HAPLN3: variants seen among roughly 807,000 people sequenced by gnomAD.
HAPLN3 encodes hyaluronan and proteoglycan link protein 3.
In HAPLN3, 28 loss-of-function variants were observed where a neutral mutation model predicts 28.1. That is an observed-to-expected ratio of 1.00 (90% CI 0.74 to 1.37). The LOEUF is 1.37. Among genes scored for constraint, HAPLN3 ranks in the 40% most tolerant of loss-of-function variants. The pLI, the probability that HAPLN3 is intolerant of heterozygous loss-of-function variation, is 0.00. For synonymous variants in HAPLN3, 211 were observed against 213.1 expected (o/e 0.99, Z 0.09); for missense variants, 513 against 504.6 (o/e 1.02, Z -0.16).
At chr15:88,883,665 T>C (rs986352680) in intron 2 of HAPLN3, among the ~76,000 whole-genome samples, 2 of 152,246 alleles carry the variant, frequency 1.3e-5, no homozygotes, top group Admixed American at 6.5e-5. Context: ...ATCTGGTAGA[T>C]GTACATTCAA....
chr15:88,881,358 C>G lies in HAPLN3; in HGVS notation c.492G>C (p.Arg164=), dbSNP rs762588041. The G allele has an allele frequency of 3.1e-5, 50 of 1,609,036 alleles. No individual in the cohort carries two copies. The East Asian group carries it at 1.1e-3, about 36-fold the overall frequency. The change falls in exon 3 of 5, where the codon CGG becomes CGC. Residue 164 remains arginine (R), a splice_region_variant and synonymous_variant. Transcript: ENST00000359595. The surrounding 1 kb of genome is among the most constrained non-coding windows in gnomAD (Gnocchi z 6.0). ...ACCCAGTCCCCGTTAGCATCTCACCCCGCAGCTCCAGCTCCACCAGACCGC... is the reference window on the plus strand; with the variant it reads ...ACCCAGTCCCCGTTAGCATCTCACCGCGCAGCTCCAGCTCCACCAGACCGC... ...DESGLVELEL[R]GVVFPYQSPN... is the part of the protein sequence containing the mutation.
rs764727132 is a variant in HAPLN3 at position 88,887,259 on chromosome 15, C to T, written c.40G>A (p.Gly14Ser). The T allele has an allele frequency of 6.8e-6, 11 of 1,614,106 alleles. No homozygotes were observed. The highest frequency in any genetic ancestry group is 2.2e-5 in the South Asian group (2 of 91,078). ...LLLVPLLLLP[G>S]SYGLPFYNGF... ...TTGTAGAAGGGCAGTCCGTAGGAGC[C>T]GGGCAGCAGGAGCAACGGGACCAGG... Residue 14 changes from glycine to serine, a missense_variant, in exon 2 of 5, where the codon GGC becomes AGC. Transcript: ENST00000359595.
intron 1 of HAPLN3, 130 bp from the exon 2 acceptor site, chr15:88,887,475 C>T (rs773372142): frequency 2.4e-5 from 19 of 799,846 alleles, no homozygotes; most frequent in East Asian, 1.9e-4. Flanking sequence ...ACGTGCCAGA[C>T]GCTGTTCCCG....
chr15:88,885,855 G>A (rs993020950), intron 2 of HAPLN3, among the ~76,000 whole-genome samples: 4 of 152,096 alleles, frequency 2.6e-5, no homozygotes, highest in African/African-American at 7.2e-5. Flanking sequence ...CCAAAGTGCT[G>A]GGATTATAGG....
intron 2 of HAPLN3, among the ~76,000 whole-genome samples, chr15:88,884,107 C>A (rs928732269): frequency 1.3e-5 from 2 of 151,342 alleles, no homozygotes; most frequent in African/African-American, 4.9e-5. Flanking sequence ...GAAAGAGATA[C>A]CTAAAAAGTT....
At position 88,879,502 on chromosome 15, in the gene HAPLN3, T is replaced by C. The variant is rs1897637895; in HGVS notation, c.494-233A>G. 1.3e-6 allele frequency: 2 copies of C among 1,513,600 alleles called. No homozygotes were observed. Among genetic ancestry groups the C allele is most frequent in the South Asian group, 2.4e-5 (2 of 83,038 alleles). 93.8% of individuals were successfully genotyped at this position (1,513,600 alleles called of 1,614,324 possible). A position where few individuals can be genotyped will look rare whatever the true frequency, so the allele number is the denominator to read the frequency against. ...ACATCCATGAGTTAAGGTAATTAAT[T>C]AGTCCATTAATGTCCCCAACAATGT... is the stretch of plus-strand genomic sequence containing the variant. On this transcript the variant is annotated intron_variant, in intron 3 of 4. Coordinates refer to ENST00000359595, the MANE Select transcript of HAPLN3 (RefSeq NM_178232.4). The surrounding 1 kb of genome is among the most constrained non-coding windows in gnomAD (Gnocchi z 5.0).
rs754302428 is a variant in HAPLN3, at chr15:88,878,125, G to A, written c.928C>T (p.Arg310Cys). The change falls in exon 5 of 5, where the codon CGC becomes TGC. Residue 310 changes from arginine (R) to cysteine (C), a missense_variant. Coordinates refer to ENST00000359595, the MANE Select transcript of HAPLN3 (RefSeq NM_178232.4). ...FAAWKFHGLDRCDAGWLADGS... is the reference protein window; with the variant it reads ...FAAWKFHGLDCCDAGWLADGS... ...TCTGCCAGCCAGCCAGCGTCGCAGC[G>A]GTCCAGGCCATGGAACTTCCAGGCG... is the stretch of plus-strand genomic sequence containing the variant. 4.6e-5 allele frequency: 75 copies of A among 1,613,986 alleles called. No homozygotes were observed. The highest frequency in any genetic ancestry group is 1.8e-4 in the East Asian group (8 of 44,884).
At chr15:88,892,567 G>A (rs1898040970) in intron 1 of HAPLN3, among the ~76,000 whole-genome samples, 1 of 152,152 alleles carries the variant, frequency 6.6e-6, no homozygotes, top group Non-Finnish European at 1.5e-5. Context: ...TCTGAGAGAG[G>A]AGCAGCACAC....
rs975128138 is a variant in HAPLN3 at position 88,881,128 on chromosome 15, C to A, written c.493+229G>T. On this transcript the variant is annotated intron_variant, in intron 3 of 4. Transcript: ENST00000359595. The surrounding 1 kb of genome is among the most constrained non-coding windows in gnomAD (Gnocchi z 6.0). ...AGAGGCTGGGTGCTTGGGTTCAGACCCCAGCTCTGTCGTTTACAAGCTGTG... is the reference window on the plus strand; with the variant it reads ...AGAGGCTGGGTGCTTGGGTTCAGACACCAGCTCTGTCGTTTACAAGCTGTG... 17 of 583,232 alleles carry A rather than the reference C, an allele frequency of 2.9e-5. No homozygotes were observed. The highest frequency in any genetic ancestry group is 4.5e-5 in the Non-Finnish European group (15 of 336,080). The allele number at this position is 583,232 out of a possible 1,614,324, so 36.1% of individuals were successfully genotyped here. A position where few individuals can be genotyped will look rare whatever the true frequency, so the allele number is the denominator to read the frequency against.
At chr15:88,893,811 C>A (rs1446072258) in intron 1 of HAPLN3, among the ~76,000 whole-genome samples, 1 of 151,694 alleles carries the variant, frequency 6.6e-6, no homozygotes, top group Non-Finnish European at 1.5e-5. Context: ...GCTTGTAGTC[C>A]CAGCTACTCG....
At chr15:88,882,884 T>C (rs1897744503) in intron 2 of HAPLN3, among the ~76,000 whole-genome samples, 2 of 152,144 alleles carry the variant, frequency 1.3e-5, no homozygotes, top group South Asian at 4.1e-4. Flanking sequence ...TAGATGCTTG[T>C]GGTCCCAGCT....
At chr15:88,893,625 A>T (rs1191991759) in intron 1 of HAPLN3, among the ~76,000 whole-genome samples, 1 of 151,922 alleles carries the variant, frequency 6.6e-6, no homozygotes, top group Non-Finnish European at 1.5e-5. Flanking sequence ...CAGTTTCTTC[A>T]TCTTTAAAAT....
rs766056577 is a variant in HAPLN3 at position 88,878,187 on chromosome 15, T to C, written c.866A>G (p.Asp289Gly). 12 of 1,614,052 alleles carry C rather than the reference T, an allele frequency of 7.4e-6. No homozygotes were observed. In the East Asian group the frequency reaches 2.5e-4, roughly 33 times the overall value. Reference protein sequence around the residue: ...LTEAREACQEDDATIAKVGQL... With the variant: ...LTEAREACQEGDATIAKVGQL... Reference sequence around the variant, plus strand: ...TCCCACCTTGGCGATCGTGGCATCATCTTCCTGGCAGGCCTCCCTTGCCTC... The same window carrying C: ...TCCCACCTTGGCGATCGTGGCATCACCTTCCTGGCAGGCCTCCCTTGCCTC... Residue 289 changes from aspartate (D) to glycine (G), a missense_variant, in exon 5 of 5, where the codon GAT becomes GGT. Asp to Gly is a moderately conservative substitution (Grantham distance 94). Coordinates refer to ENST00000359595, the MANE Select transcript of HAPLN3 (RefSeq NM_178232.4).
chr15:88,878,317 G>C (rs183584978), intron 4 of HAPLN3, 61 bp from the exon 5 acceptor site: 1 of 1,489,856 alleles, frequency 6.7e-7, no homozygotes, highest in South Asian at 1.3e-5. Context: ...GCACAGCGGG[G>C]TCTGCAGAGA....
chr15:88,888,371 A>G lies in HAPLN3; in HGVS notation c.-47-1026T>C, dbSNP rs938258499. Among the ~76,000 whole-genome samples, 1 of 152,172 alleles carries G rather than the reference A, an allele frequency of 6.6e-6. No individual in the cohort carries two copies. Among genetic ancestry groups the G allele is most frequent in the African/African-American group, 2.4e-5 (1 of 41,446 alleles). On this transcript the variant is annotated intron_variant, in intron 1 of 4. Coordinates refer to ENST00000359595, the MANE Select transcript of HAPLN3 (RefSeq NM_178232.4). This position sits in a 1 kb window ranked among gnomAD's most constrained non-coding sequence, Gnocchi z 4.1. The stretch of plus-strand genomic sequence containing the variant: ...CTCCCAAAGTGCTGAGATTACAGGC[A>G]TAAGCCACTGCGCCCAACTCAAAAA...
At position 88,881,687 on chromosome 15, in the gene HAPLN3, C is replaced by A; in HGVS notation, c.163G>T (p.Glu55Ter). 1 of 1,613,470 alleles carries A rather than the reference C, an allele frequency of 6.2e-7. No homozygotes were observed. The highest frequency in any genetic ancestry group is 8.5e-7 in the Non-Finnish European group (1 of 1,179,828). Residue 55 changes from glutamate (E) to a stop codon, truncating the protein, a stop_gained, in exon 3 of 5, where the codon GAG becomes TAG. Transcript: ENST00000359595. LOFTEE classifies it high-confidence loss of function. The surrounding 1 kb of genome is among the most constrained non-coding windows in gnomAD (Gnocchi z 6.0). The stretch of plus-strand genomic sequence containing the variant: ...CCTTGGTAGGTGAACAGGGTCTCCT[C>A]GGGTGTCTCCACCACCAGCTTCACT... ...NGVKLVVETP[E>*]ETLFTYQGAS...
intron 4 of HAPLN3, 82 bp from the exon 5 acceptor site, chr15:88,878,338 A>C (rs576085632): frequency 1.5e-6 from 2 of 1,323,672 alleles, no homozygotes; most frequent in East Asian, 4.6e-5. Flanking sequence ...TGCCAGCCCC[A>C]AAGACCCGTC....
In HAPLN3 at chr15:88,877,562, A is replaced by G; in HGVS notation, c.*408T>C. 1 of 166,582 alleles carries G rather than the reference A, an allele frequency of 6.0e-6. No individual in the cohort carries two copies. The highest frequency in any genetic ancestry group is 1.3e-5 in the Non-Finnish European group (1 of 76,658). The allele number at this position is 166,582 out of a possible 1,614,324, so 10.3% of individuals were successfully genotyped here. On this transcript the variant is annotated 3_prime_UTR_variant, in exon 5 of 5. Transcript: ENST00000359595. The surrounding 1 kb of genome is among the most constrained non-coding windows in gnomAD (Gnocchi z 5.1). ...GGTGGGCAGGAGAGGCCCAAAGCCC[A>G]GCTCCGGAGGCCCCCGAGGCCCTCT...
intron 2 of HAPLN3, among the ~76,000 whole-genome samples, chr15:88,885,037 G>C (rs927034898): frequency 6.6e-6 from 1 of 152,218 alleles, no homozygotes; most frequent in African/African-American, 2.4e-5. Flanking sequence ...GTTGTTTCAA[G>C]CCACCAAGTT....
Sources: allele counts gnomAD v4.1 joint callset (sites outside exome capture counted in the v4.1 genomes callset), GRCh38; gene constraint gnomAD v4.1.1; non-coding constraint Gnocchi (gnomAD v3.1); transcripts MANE v1.5; gene names NCBI Gene and HGNC (gene_info 2026-07-23, HGNC 2026-07-21).